OLA1: variants seen among roughly 807,000 people sequenced by gnomAD.
OLA1 encodes Obg like ATPase 1, also known as obg-like ATPase 1.
In OLA1, 14 loss-of-function variants were observed where a neutral mutation model predicts 48.4. That is an observed-to-expected ratio of 0.29 (90% CI 0.19 to 0.45). The LOEUF (loss-of-function observed/expected upper bound fraction) is 0.45. Among genes scored for constraint, OLA1 ranks in the 20% least tolerant of loss-of-function variants. The pLI, the probability that OLA1 is intolerant of heterozygous loss-of-function variation, is 1.00. For synonymous variants in OLA1, 127 were observed against 150.4 expected (o/e 0.84, Z 1.14); for missense variants, 325 against 467.1 (o/e 0.70, Z 2.80).
At chr2:174,111,561 G>GACTGGTCA (rs1248127672) in intron 7 of OLA1, among the ~76,000 whole-genome samples, 1 of 152,152 alleles carries the variant, frequency 6.6e-6, no homozygotes, top group African/African-American at 2.4e-5. Context: ...GTAGTCATTA[G>GACTGGTCA]TTTTGCCCGA....
chr2:174,097,462 G>A (rs1051943455), intron 7 of OLA1, among the ~76,000 whole-genome samples: 2 of 152,122 alleles, frequency 1.3e-5, no homozygotes, highest in African/African-American at 4.8e-5. Flanking sequence ...AAAAGGAAAG[G>A]TTTTTGTTCA....
chr2:174,189,447 A>C (rs1178654060), intron 4 of OLA1, among the ~76,000 whole-genome samples: 2 of 152,204 alleles, frequency 1.3e-5, no homozygotes, highest in East Asian at 3.8e-4. Context: ...AAATTTAAAA[A>C]TGAAAGAAAG....
chr2:174,193,217 G>T (rs563394877), intron 4 of OLA1, among the ~76,000 whole-genome samples: 1 of 151,848 alleles, frequency 6.6e-6, no homozygotes, highest in South Asian at 2.1e-4. Context: ...AGCTTCCCGA[G>T]TAGCTGGGAT....
At chr2:174,135,259 C>G (rs1049733042) in intron 5 of OLA1, among the ~76,000 whole-genome samples, 1 of 151,088 alleles carries the variant, frequency 6.6e-6, no homozygotes. Context: ...TAAAGTCCTA[C>G]GTTCACTGTC....
At chr2:174,090,605 G>A (rs973514392) in intron 7 of OLA1, among the ~76,000 whole-genome samples, 1 of 152,158 alleles carries the variant, frequency 6.6e-6, no homozygotes, top group Non-Finnish European at 1.5e-5. Context: ...GAACAGAAGA[G>A]GCTCTCTGGT....
At chr2:174,129,549 CTATATATAA>C (rs1001575086) in intron 5 of OLA1, among the ~76,000 whole-genome samples, 52 of 151,058 alleles carry the variant, frequency 3.4e-4, no homozygotes, top group African/African-American at 1.1e-3. Context: ...GGTTTTGAAA[CTATATATAA>C]TATATATAAA....
intron 7 of OLA1, among the ~76,000 whole-genome samples, chr2:174,093,551 C>T (rs1197207454): frequency 1.3e-5 from 2 of 152,000 alleles, no homozygotes; most frequent in Non-Finnish European, 1.5e-5. Context: ...AATTTACGAT[C>T]TCTAGAAGCA....
intron 7 of OLA1, among the ~76,000 whole-genome samples, chr2:174,107,265 TTTATAA>T (rs1262779465): frequency 1.3e-5 from 2 of 152,186 alleles, no homozygotes; most frequent in African/African-American, 4.8e-5. Context: ...ACTTGGGTAC[TTTATAA>T]TTAAAAGTAT....
At chr2:174,123,703 A>G in intron 5 of OLA1, 28 bp from the exon 6 acceptor site, 1 of 1,198,434 alleles carries the variant, frequency 8.3e-7, no homozygotes, top group Non-Finnish European at 1.2e-6. Context: ...AAAGGTAAAT[A>G]TATATGAATA....
intron 4 of OLA1, among the ~76,000 whole-genome samples, chr2:174,213,499 A>G (rs1688293017): frequency 6.6e-6 from 1 of 152,214 alleles, no homozygotes; most frequent in African/African-American, 2.4e-5. Flanking sequence ...CAAAAGAAAA[A>G]AAAAAGGCTA....
intron 7 of OLA1, among the ~76,000 whole-genome samples, chr2:174,110,855 T>A (rs1403109574): frequency 6.6e-6 from 1 of 152,168 alleles, no homozygotes; most frequent in East Asian, 1.9e-4. Flanking sequence ...GCACTAAGAT[T>A]ACAGGAGTGA....
At position 174,075,225 on chromosome 2, in the gene OLA1, T is replaced by C. The variant is rs979357421; in HGVS notation, c.*201A>G. The stretch of plus-strand genomic sequence containing the variant: ...GTCTTAATCACGTGAAAAGCAAAGC[T>C]GTTCACATTTAGTGAACCTGCATTT... On this transcript the variant is annotated 3_prime_UTR_variant, in exon 11 of 11. Coordinates refer to ENST00000284719, the MANE Select transcript of OLA1 (RefSeq NM_013341.5). 2 of 490,188 alleles carry C rather than the reference T, an allele frequency of 4.1e-6. No homozygotes were observed. The highest frequency in any genetic ancestry group is 2.1e-5 in the African/African-American group (1 of 47,876). The allele number at this position is 490,188 out of a possible 1,614,324, so 30.4% of individuals were successfully genotyped here.
chr2:174,102,377 A>G (rs1477056341), intron 7 of OLA1, among the ~76,000 whole-genome samples: 2 of 151,932 alleles, frequency 1.3e-5, no homozygotes, highest in East Asian at 3.9e-4. Flanking sequence ...CCTAGGGAAG[A>G]GTCATGGCCG....
Position 174,081,967 on chromosome 2 carries a change from C to T in OLA1, c.826G>A (p.Ala276Thr), listed in dbSNP as rs1364583344. The part of the protein sequence containing the change: ...ALELKLQELS[A>T]EERQKYLEAN... ...TCCAGATACTTCTGTCTCTCCTCAG[C>T]ACTCAATTCTTGCAACTTGAGTTCC... The change falls in exon 8 of 11, where the codon GCT becomes ACT. Residue 276 changes from alanine (A) to threonine (T), a missense_variant. Physicochemically the swap from Ala to Thr is moderately conservative, Grantham distance 58. Coordinates refer to ENST00000284719, the MANE Select transcript of OLA1 (RefSeq NM_013341.5). 1 of 1,613,120 alleles carries T rather than the reference C, an allele frequency of 6.2e-7. No homozygotes were observed. The highest frequency in any genetic ancestry group is 1.3e-5 in the African/African-American group (1 of 75,008).
intron 5 of OLA1, among the ~76,000 whole-genome samples, chr2:174,130,830 T>A (rs936553845): frequency 6.6e-6 from 1 of 152,126 alleles, no homozygotes; most frequent in African/African-American, 2.4e-5. Context: ...GATAAGAGCA[T>A]CTACACAATA....
At chr2:174,197,334 C>G (rs1364563612) in intron 4 of OLA1, among the ~76,000 whole-genome samples, 1 of 127,510 alleles carries the variant, frequency 7.8e-6, no homozygotes, top group Non-Finnish European at 1.6e-5. Flanking sequence ...ATGGCAGTGT[C>G]CAGAATGATT....
chr2:174,182,529 AAAAAATAAAAAT>A (rs914194937), intron 4 of OLA1, among the ~76,000 whole-genome samples: 10 of 152,324 alleles, frequency 6.6e-5, no homozygotes, highest in African/African-American at 2.4e-4. Flanking sequence ...CTCCGTCTCA[AAAAAATAAAAAT>A]AAAAATAAAA....
intron 4 of OLA1, among the ~76,000 whole-genome samples, chr2:174,210,216 C>T (rs977085334): frequency 2.6e-4 from 39 of 152,102 alleles, no homozygotes; most frequent in East Asian, 1.7e-3. Flanking sequence ...TTACTGAAAA[C>T]GAATACTGTA....
At chr2:174,215,928 G>GT (rs1688351874) in intron 4 of OLA1, among the ~76,000 whole-genome samples, 1 of 152,098 alleles carries the variant, frequency 6.6e-6, no homozygotes, top group South Asian at 2.1e-4. Flanking sequence ...AGTAAATCGT[G>GT]TATTGCTGTA....
Sources: gnomAD v4.1 joint callset for allele counts (sites outside exome capture counted in the v4.1 genomes callset) on GRCh38, gnomAD v4.1.1 for gene constraint, MANE v1.5 for transcripts, NCBI Gene and HGNC (gene_info 2026-07-23, HGNC 2026-07-21) for gene names.